Variants in FUT8 observed in about 807,000 individuals in gnomAD.
FUT8 encodes fucosyltransferase 8.
FUT8 carries 29 observed loss-of-function variants against 71.3 expected under a neutral mutation model. That is an observed-to-expected ratio of 0.41 (90% confidence interval 0.30 to 0.55). The LOEUF is 0.55. Ranked by LOEUF, FUT8 falls within the 20% of genes least tolerant of loss-of-function variation. FUT8 has a pLI of 0.34. For synonymous variants in FUT8, 254 were observed against 239.3 expected (o/e 1.06, Z -0.57); for missense variants, 544 against 702.1 (o/e 0.77, Z 2.55).
At chr14:65,542,724 ACTGTT>A (rs1196172836) in intron 2 of FUT8, among the ~76,000 whole-genome samples, 1 of 152,162 alleles carries the variant, frequency 6.6e-6, no homozygotes, top group Non-Finnish European at 1.5e-5. Context: ...TTCTTTAGAA[ACTGTT>A]CCCTGGAAAG....
chr14:65,692,525 C>T (rs1189326358), intron 7 of FUT8, among the ~76,000 whole-genome samples: 2 of 140,780 alleles, frequency 1.4e-5, no homozygotes, highest in Non-Finnish European at 3.1e-5. Context: ...CCCCACCTCC[C>T]TCCCGGACGG....
At chr14:65,693,243 G>A (rs968902284) in intron 7 of FUT8, among the ~76,000 whole-genome samples, 4 of 152,382 alleles carry the variant, frequency 2.6e-5, no homozygotes, top group East Asian at 3.9e-4. Context: ...ACGAGACTCC[G>A]TCTGCAATCC....
At chr14:65,526,928 A>T (rs1255945285) in intron 2 of FUT8, among the ~76,000 whole-genome samples, 1 of 152,152 alleles carries the variant, frequency 6.6e-6, no homozygotes, top group Non-Finnish European at 1.5e-5. Flanking sequence ...CTGCTGAGAG[A>T]TCCACTGTTA....
the FUT8 span, among the ~76,000 whole-genome samples, chr14:65,375,741 T>G: frequency 1.3e-5 from 2 of 152,344 alleles, no homozygotes; most frequent in Non-Finnish European, 2.9e-5. Context: ...TTCAAACTGA[T>G]GTTTGTCAGA....
chr14:65,690,041 A>AATT (rs879528992), intron 7 of FUT8, among the ~76,000 whole-genome samples: 2 of 152,170 alleles, frequency 1.3e-5, no homozygotes, highest in Admixed American at 1.3e-4. Context: ...TGAAAGGTAT[A>AATT]AGGTCAATGT....
the FUT8 span, among the ~76,000 whole-genome samples, chr14:65,393,761 T>G: frequency 6.6e-6 from 1 of 152,138 alleles, no homozygotes; most frequent in Non-Finnish European, 1.5e-5. Flanking sequence ...GTGTGGCATC[T>G]GTATTAGTCT....
At chr14:65,401,288 G>A in the FUT8 span, among the ~76,000 whole-genome samples, 3 of 152,130 alleles carry the variant, frequency 2.0e-5, no homozygotes, top group Admixed American at 2.0e-4. Flanking sequence ...AGAAAGCAAG[G>A]GAAAAAAGTA....
intron 5 of FUT8, among the ~76,000 whole-genome samples, chr14:65,626,234 A>C (rs959906937): frequency 6.6e-6 from 1 of 150,940 alleles, no homozygotes; most frequent in African/African-American, 2.4e-5. Context: ...AAAAAAAAAA[A>C]TAGCGGCTAC....
chr14:65,454,163 G>C (rs1306400948), intron 1 of FUT8, among the ~76,000 whole-genome samples: 4 of 152,194 alleles, frequency 2.6e-5, no homozygotes, highest in African/African-American at 9.6e-5. Flanking sequence ...CACACTATTG[G>C]ATTATTGAGG....
intron 5 of FUT8, among the ~76,000 whole-genome samples, chr14:65,620,763 G>A (rs967477453): frequency 1.6e-4 from 25 of 152,158 alleles, no homozygotes; most frequent in Non-Finnish European, 1.5e-4. Flanking sequence ...TATTAAGCTG[G>A]GATGTGGATA....
intron 2 of FUT8, among the ~76,000 whole-genome samples, chr14:65,508,871 T>G (rs935128986): frequency 6.6e-6 from 1 of 152,182 alleles, no homozygotes; most frequent in African/African-American, 2.4e-5. Context: ...TCTTCCATTC[T>G]GTGGGTTGTT....
In FUT8 at chr14:65,717,263, G is replaced by A. The variant is rs563556695; in HGVS notation, c.836-4512G>A. On this transcript the variant is annotated intron_variant, in intron 7 of 10. Transcript: ENST00000673929. ...GCGCTCCTCACCTCCCAGACGGGGC[G>A]GCCGGGCAGAGGCGCTCCTCACTTC... 6.6e-3 allele frequency among the ~76,000 whole-genome samples: 779 copies of A among 118,272 alleles called. 4 individuals are homozygous for A. The highest frequency in any genetic ancestry group is 0.011 in the Non-Finnish European group (596 of 54,208). The allele number at this position is 118,272 out of a possible 152,430, so 77.6% of individuals were successfully genotyped here.
intron 2 of FUT8, among the ~76,000 whole-genome samples, chr14:65,504,409 T>C (rs1206457167): frequency 1.3e-5 from 2 of 152,180 alleles, no homozygotes; most frequent in Admixed American, 6.6e-5. Context: ...TTCTAGATAA[T>C]TGATGTTTCC....
chr14:65,551,582 G>C (rs1297885173), intron 2 of FUT8, among the ~76,000 whole-genome samples: 1 of 152,170 alleles, frequency 6.6e-6, no homozygotes, highest in Non-Finnish European at 1.5e-5. Flanking sequence ...GTAAATAAGA[G>C]AGTGGGAGAA....
At position 65,742,078 on chromosome 14, in the gene FUT8, A is replaced by C. The variant is rs1449770656; in HGVS notation, c.1411-15A>C. 6.2e-7 allele frequency: 1 copy of C among 1,602,846 alleles called. No homozygotes were observed. Among genetic ancestry groups the C allele is most frequent in the Non-Finnish European group, 8.5e-7 (1 of 1,172,980 alleles). On this transcript the variant is annotated splice_polypyrimidine_tract_variant and intron_variant, in intron 10 of 10. Transcript: ENST00000673929. ...TGTTTATATACTAACAATTTCTTTTAAATTCTTTCCCAAGGTCTGTCGAGT... is the reference window on the plus strand; with the variant it reads ...TGTTTATATACTAACAATTTCTTTTCAATTCTTTCCCAAGGTCTGTCGAGT...
At chr14:65,503,190 C>G (rs994098478) in intron 2 of FUT8, among the ~76,000 whole-genome samples, 1 of 152,222 alleles carries the variant, frequency 6.6e-6, no homozygotes, top group African/African-American at 2.4e-5. Flanking sequence ...GCCCTGAATG[C>G]AGAAATGTGC....
intron 2 of FUT8, among the ~76,000 whole-genome samples, chr14:65,470,177 G>T (rs1046377484): frequency 2.0e-5 from 3 of 152,252 alleles, no homozygotes; most frequent in Non-Finnish European, 4.4e-5. Flanking sequence ...TCCAGGCTTG[G>T]CTCCAACCCC....
the FUT8 span, among the ~76,000 whole-genome samples, chr14:65,390,710 G>A: frequency 5.0e-4 from 73 of 146,114 alleles, no homozygotes; most frequent in African/African-American, 1.7e-3. Flanking sequence ...CCAAGTCTAC[G>A]ATTAATTTCC....
chr14:65,734,739 C>G (rs943385635), intron 10 of FUT8, among the ~76,000 whole-genome samples: 11 of 152,168 alleles, frequency 7.2e-5, no homozygotes, highest in African/African-American at 2.7e-4. Flanking sequence ...ATTCTTGATG[C>G]TTATTGTTAC....
Sources: allele counts gnomAD v4.1 joint callset (sites outside exome capture counted in the v4.1 genomes callset), GRCh38; gene constraint gnomAD v4.1.1; transcripts MANE v1.5; gene names NCBI Gene and HGNC (gene_info 2026-07-23, HGNC 2026-07-21).